Variants in ITPR1 observed in about 807,000 individuals in gnomAD.
ITPR1 encodes inositol 1,4,5-trisphosphate-gated calcium channel ITPR1.
ITPR1 carries 96 observed loss-of-function variants against 318.4 expected under a neutral mutation model. That is an observed-to-expected ratio of 0.30 (90% CI 0.26 to 0.36). The LOEUF is 0.36. Ranked by LOEUF, ITPR1 falls within the 10% of genes least tolerant of loss-of-function variation. ITPR1 has a pLI of 1.00. For missense variants in ITPR1, 2,440 were observed against 3,460.2 expected (o/e 0.71, Z 7.40); for synonymous variants, 1,312 against 1,289.9 (o/e 1.02, Z -0.37).
chr3:4,754,055 G>GT (rs200727495), intron 44 of ITPR1, among the ~76,000 whole-genome samples: 2 of 131,796 alleles, frequency 1.5e-5, no homozygotes, highest in Admixed American at 7.7e-5. Flanking sequence ...AAATGGGGGG[G>GT]GGGTGGCAAG....
chr3:4,512,868 G>A (rs1430577470), intron 2 of ITPR1, among the ~76,000 whole-genome samples: 2 of 152,138 alleles, frequency 1.3e-5, no homozygotes. Flanking sequence ...AATAATAAGA[G>A]CTTAGGGGCA....
At position 4,516,519 on chromosome 3, in the gene ITPR1, C is replaced by T; in HGVS notation, c.28C>T (p.His10Tyr). Residue 10 changes from histidine (H) to tyrosine (Y), a missense_variant, in exon 3 of 62, where the codon CAT (histidine) becomes TAT (tyrosine). By Grantham distance (83) the His-to-Tyr change is moderately conservative. Coordinates refer to ENST00000649015, the MANE Select transcript of ITPR1 (RefSeq NM_001378452.1). MSDKMSSFLHIGDICSLYAE... is the reference protein window; with the variant it reads MSDKMSSFLYIGDICSLYAE... The stretch of plus-strand genomic sequence containing the variant: ...GTCTGACAAAATGTCTAGCTTCCTA[C>T]ATATTGGAGACATTTGTTCTCTGTA... The T allele has an allele frequency of 1.3e-6, 2 of 1,595,188 alleles. No individual in the cohort carries two copies. The highest frequency in any genetic ancestry group is 2.3e-5 in the South Asian group (2 of 86,378).
intron 12 of ITPR1, among the ~76,000 whole-genome samples, chr3:4,656,465 C>A (rs1405849349): frequency 2.0e-5 from 3 of 152,176 alleles, no homozygotes; most frequent in African/African-American, 7.2e-5. Flanking sequence ...GTAATTCTTC[C>A]TTTAGCGTAG....
chr3:4,735,154 ATCT>A lies in ITPR1; in HGVS notation c.5354-5_5354-3del. ...TTGTGCTTAGTAAAAACAATATTCCATCTTCTTAGGGGGAGGTTCCGGATCCAG... is the reference window on the plus strand; with the variant it reads ...TTGTGCTTAGTAAAAACAATATTCCATCTTAGGGGGAGGTTCCGGATCCAG... On this transcript the variant is annotated splice_polypyrimidine_tract_variant and splice_region_variant and intron_variant, in intron 43 of 61. Coordinates refer to ENST00000649015, the MANE Select transcript of ITPR1 (RefSeq NM_001378452.1). The A allele has an allele frequency of 6.2e-7, 1 of 1,608,630 alleles. No homozygotes were observed. Among genetic ancestry groups the A allele is most frequent in the Non-Finnish European group, 8.5e-7 (1 of 1,175,542 alleles).
chr3:4,525,701 C>T (rs77936174), intron 4 of ITPR1, among the ~76,000 whole-genome samples: 16,715 of 152,128 alleles, frequency 0.11, 947 homozygotes, highest in African/African-American at 0.15. Context: ...GCAGAACCTC[C>T]TCTTCTCCCT....
intron 52 of ITPR1, 27 bp from the exon 53 acceptor site, chr3:4,795,038 C>A (rs1369333679): frequency 1.3e-6 from 2 of 1,583,824 alleles, no homozygotes; most frequent in Non-Finnish European, 1.7e-6. Flanking sequence ...TCTCCAGCCT[C>A]ACGCGGCTTT....
intron 30 of ITPR1, 141 bp from the exon 31 acceptor site, chr3:4,688,354 A>G: frequency 1.1e-6 from 1 of 893,946 alleles, no homozygotes; most frequent in South Asian, 1.7e-5. Context: ...CAGCGTCAGC[A>G]GTGCAGCCCC....
At chr3:4,781,250 T>C (rs1330410151) in intron 49 of ITPR1, among the ~76,000 whole-genome samples, 3 of 152,224 alleles carry the variant, frequency 2.0e-5, no homozygotes, top group Admixed American at 6.5e-5. Context: ...GGGAATGGCC[T>C]CGTGGCAATG....
chr3:4,787,884 C>A, intron 51 of ITPR1, 63 bp from the exon 52 acceptor site: 2 of 1,185,316 alleles, frequency 1.7e-6, no homozygotes, highest in Non-Finnish European at 2.4e-6. Flanking sequence ...CCACCAGTAG[C>A]AAATAGTCTT....
chr3:4,667,434 G>T lies in ITPR1; in HGVS notation c.1771G>T (p.Ala591Ser). The change falls in exon 18 of 62, where the codon GCT (alanine) becomes TCT (serine). Residue 591 changes from alanine to serine, a missense_variant. Physicochemically the swap from Ala to Ser is moderately conservative, Grantham distance 99. Coordinates refer to ENST00000649015, the MANE Select transcript of ITPR1 (RefSeq NM_001378452.1). ...GAAGCAGATTGGCTATGATGTGTTG[G>T]CTGAAGACACTATCACTGCCCTGCT... Reference protein sequence around the residue: ...MQKQIGYDVLAEDTITALLHN... With the variant: ...MQKQIGYDVLSEDTITALLHN... 1 of 1,613,352 alleles carries T rather than the reference G, an allele frequency of 6.2e-7. No individual in the cohort carries two copies.
intron 31 of ITPR1, 132 bp downstream of exon 31, chr3:4,688,752 A>G: frequency 2.4e-6 from 2 of 838,854 alleles, no homozygotes; most frequent in East Asian, 5.5e-5. Flanking sequence ...AAAGGGGAAC[A>G]TTTTCATCAC....
chr3:4,733,194 G>A lies in ITPR1; in HGVS notation c.5327G>A (p.Gly1776Glu), dbSNP rs1348130821. The change falls in exon 43 of 62, where the codon GGA becomes GAA. Residue 1776 changes from glycine to glutamate, a missense_variant. Coordinates refer to ENST00000649015, the MANE Select transcript of ITPR1 (RefSeq NM_001378452.1). ...TTTGGCAATGGCCCACTGTCAGCAG[G>A]AGGACCCGGCAAGCCCGGGGGAGGA... The part of the protein sequence containing the change: ...TSFGNGPLSA[G>E]GPGKPGGGGG... 2 of 1,614,036 alleles carry A rather than the reference G, an allele frequency of 1.2e-6. No homozygotes were observed. Among genetic ancestry groups the A allele is most frequent in the Non-Finnish European group, 1.7e-6 (2 of 1,179,882 alleles).
chr3:4,723,458 A>T (rs1314597329), intron 40 of ITPR1, among the ~76,000 whole-genome samples: 1 of 152,172 alleles, frequency 6.6e-6, no homozygotes, highest in African/African-American at 2.4e-5. Context: ...TTTAAATTTA[A>T]TTTTTGTTTT....
At chr3:4,753,431 C>T (rs762172164) in intron 44 of ITPR1, among the ~76,000 whole-genome samples, 7 of 152,134 alleles carry the variant, frequency 4.6e-5, no homozygotes, top group African/African-American at 9.7e-5. Context: ...CTGCTCTAAC[C>T]GCTTGGCCAT....
At chr3:4,567,551 G>A (rs1192500962) in intron 4 of ITPR1, among the ~76,000 whole-genome samples, 2 of 152,102 alleles carry the variant, frequency 1.3e-5, no homozygotes. Context: ...GGTGGGCTTG[G>A]GGGCTGAGGT....
intron 44 of ITPR1, among the ~76,000 whole-genome samples, chr3:4,764,522 G>C (rs2045678935): frequency 6.6e-6 from 1 of 152,210 alleles, no homozygotes; most frequent in Non-Finnish European, 1.5e-5. Flanking sequence ...GTAAGGAGGT[G>C]AACGGTCAGT....
intron 61 of ITPR1, among the ~76,000 whole-genome samples, chr3:4,840,929 G>C (rs947301691): frequency 6.6e-6 from 1 of 152,208 alleles, no homozygotes. Context: ...ATTTGCTGTT[G>C]CTAGGAATAC....
intron 40 of ITPR1, among the ~76,000 whole-genome samples, chr3:4,724,963 T>C (rs1342002912): frequency 6.6e-6 from 1 of 152,102 alleles, no homozygotes; most frequent in East Asian, 1.9e-4. Flanking sequence ...GAAACCTTGT[T>C]TCTCCCAGAG....
At chr3:4,516,357 A>G in intron 2 of ITPR1, 119 bp from the exon 3 acceptor site, 3 of 551,130 alleles carry the variant, frequency 5.4e-6, no homozygotes, top group Non-Finnish European at 6.3e-6. Flanking sequence ...ACTGTTATTT[A>G]AATTTGACTT....
Sources: gnomAD v4.1 joint callset for allele counts (sites outside exome capture counted in the v4.1 genomes callset) on GRCh38, gnomAD v4.1.1 for gene constraint, MANE v1.5 for transcripts, NCBI Gene and HGNC (gene_info 2026-07-23, HGNC 2026-07-21) for gene names.